ZNRF1: variants seen among roughly 807,000 people sequenced by gnomAD.
ZNRF1 encodes the protein E3 ubiquitin-protein ligase ZNRF1.
ZNRF1 carries 3 observed loss-of-function variants against 18.4 expected under a neutral mutation model. That is an observed-to-expected ratio of 0.16 (90% confidence interval 0.07 to 0.42). The LOEUF (loss-of-function observed/expected upper bound fraction) is 0.42. Among genes scored for constraint, ZNRF1 ranks in the 10% least tolerant of loss-of-function variants. The pLI is 0.99. For synonymous variants in ZNRF1, 157 were observed against 144.2 expected, an observed-to-expected ratio of 1.09 and a Z score of -0.64; for missense variants, 310 against 329.8, an observed-to-expected ratio of 0.94 and a Z score of 0.47.
intron 2 of ZNRF1, chr16:75,095,787 G>A (rs1341351729): frequency 2.0e-6 from 3 of 1,471,152 alleles, no homozygotes; most frequent in Non-Finnish European, 2.7e-6. Flanking sequence ...AGAACTGCCT[G>A]GGACGCCACC....
At position 75,095,292 on chromosome 16, in the gene ZNRF1, C is replaced by T. The variant is rs193068817; in HGVS notation, c.520+1625C>T. On this transcript the variant is annotated intron_variant, in intron 2 of 4. Coordinates refer to ENST00000335325, the MANE Select transcript of ZNRF1 (RefSeq NM_032268.5). ...AGCCCCTTTCCTCCCCAGGGGACAA[C>T]GCCTCCTTTCTCCTGGGCTGACTGC... is the stretch of plus-strand genomic sequence containing the variant. The T allele has an allele frequency of 3.8e-4, 76 of 197,666 alleles. No homozygotes were observed. The East Asian group carries it at 6.8e-3, about 18-fold the overall frequency. 12.2% of individuals were successfully genotyped at this position (197,666 alleles called of 1,614,324 possible). A position where few individuals can be genotyped will look rare whatever the true frequency, so the allele number is the denominator to read the frequency against.
intron 1 of ZNRF1, among the ~76,000 whole-genome samples, chr16:75,015,984 G>A (rs530035071): frequency 1.4e-5 from 2 of 146,962 alleles, no homozygotes; most frequent in Non-Finnish European, 3.0e-5. Context: ...GCAATGGCGC[G>A]ATCTCCTCTC....
At chr16:75,049,007 CTT>C (rs531574563) in intron 1 of ZNRF1, among the ~76,000 whole-genome samples, 6 of 143,690 alleles carry the variant, frequency 4.2e-5, no homozygotes, top group Admixed American at 7.0e-5. Context: ...TTTGGAATCC[CTT>C]TTTTTTTTTT....
At chr16:75,098,386 A>G (rs2036222744) in intron 2 of ZNRF1, among the ~76,000 whole-genome samples, 1 of 152,190 alleles carries the variant, frequency 6.6e-6, no homozygotes, top group Admixed American at 6.5e-5. Flanking sequence ...TGCCCCCACT[A>G]TCCTCATTGC....
In ZNRF1 at chr16:75,110,658, T is replaced by C. The variant is rs2036371711; in HGVS notation, c.*2958T>C. The stretch of plus-strand genomic sequence containing the variant: ...TTCAGTGAACAGTGTACTTGTTCTT[T>C]CAACTTTTCTGTATGTTTGGAATTT... On this transcript the variant is annotated 3_prime_UTR_variant, in exon 5 of 5. Transcript: ENST00000335325. 1 of 152,272 alleles carries C rather than the reference T, an allele frequency of 6.6e-6. No individual in the cohort carries two copies. Among genetic ancestry groups the C allele is most frequent in the Admixed American group, 6.5e-5 (1 of 15,290 alleles). 9.4% of individuals were successfully genotyped at this position (152,272 alleles called of 1,614,324 possible).
chr16:75,034,342 A>G (rs920280463), intron 1 of ZNRF1, among the ~76,000 whole-genome samples: 2 of 152,134 alleles, frequency 1.3e-5, no homozygotes, highest in Non-Finnish European at 2.9e-5. Flanking sequence ...TTTATTTTCT[A>G]TGAGCTTGAC....
chr16:75,035,726 C>G (rs140772782), intron 1 of ZNRF1, among the ~76,000 whole-genome samples: 2 of 152,190 alleles, frequency 1.3e-5, no homozygotes, highest in Non-Finnish European at 2.9e-5. Flanking sequence ...CGATTCTTCT[C>G]TTGGGGTTGG....
chr16:75,035,912 C>G (rs2035370739), intron 1 of ZNRF1, among the ~76,000 whole-genome samples: 1 of 152,148 alleles, frequency 6.6e-6, no homozygotes. Context: ...TGCCTGAGCC[C>G]ACTCACCCAA....
At chr16:75,024,007 A>T (rs2035189433) in intron 1 of ZNRF1, among the ~76,000 whole-genome samples, 2 of 151,580 alleles carry the variant, frequency 1.3e-5, no homozygotes. Flanking sequence ...AGTAGCTAGG[A>T]CTACAGGTGC....
At chr16:75,054,648 G>A (rs1238041265) in intron 1 of ZNRF1, among the ~76,000 whole-genome samples, 1 of 152,242 alleles carries the variant, frequency 6.6e-6, no homozygotes, top group African/African-American at 2.4e-5. Context: ...TAATAATTTA[G>A]CAATCAGGTA....
At chr16:75,045,462 T>A (rs1425888509) in intron 1 of ZNRF1, among the ~76,000 whole-genome samples, 1 of 152,182 alleles carries the variant, frequency 6.6e-6, no homozygotes, top group Non-Finnish European at 1.5e-5. Context: ...CCAGTGCAAA[T>A]TGTGCTGGGT....
intron 3 of ZNRF1, 175 bp from the exon 4 acceptor site, chr16:75,106,307 C>T (rs1284909065): frequency 1.1e-5 from 7 of 638,774 alleles, no homozygotes; most frequent in Non-Finnish European, 1.9e-5. Flanking sequence ...TGGTGTTCAC[C>T]CTTCTTCGTG....
At chr16:75,062,029 G>A (rs1047204109) in intron 1 of ZNRF1, among the ~76,000 whole-genome samples, 2 of 152,130 alleles carry the variant, frequency 1.3e-5, no homozygotes, top group Non-Finnish European at 2.9e-5. Context: ...TTACACTTTT[G>A]ACTTGACACA....
At chr16:75,000,675 T>C (rs2034836298) in intron 1 of ZNRF1, among the ~76,000 whole-genome samples, 1 of 152,308 alleles carries the variant, frequency 6.6e-6, no homozygotes, top group Non-Finnish European at 1.5e-5. Context: ...GTGTGGCTGC[T>C]GTACGGAGGG....
chr16:75,103,683 G>T (rs992858181), intron 2 of ZNRF1, among the ~76,000 whole-genome samples: 1 of 152,136 alleles, frequency 6.6e-6, no homozygotes, highest in African/African-American at 2.4e-5. Context: ...ATAAAATAAA[G>T]TTTTTAAAAG....
intron 1 of ZNRF1, among the ~76,000 whole-genome samples, chr16:75,036,254 G>A (rs549770075): frequency 2.6e-4 from 40 of 152,076 alleles, no homozygotes; most frequent in African/African-American, 5.5e-4. Flanking sequence ...TTTATTTTTC[G>A]TAGAGATGAG....
chr16:75,031,577 A>G (rs1159062717), intron 1 of ZNRF1, among the ~76,000 whole-genome samples: 1 of 152,044 alleles, frequency 6.6e-6, no homozygotes, highest in African/African-American at 2.4e-5. Flanking sequence ...GTGTGATCTC[A>G]GCTCACTGCA....
intron 1 of ZNRF1, among the ~76,000 whole-genome samples, chr16:75,082,641 C>T (rs2036026689): frequency 6.6e-6 from 1 of 152,064 alleles, no homozygotes; most frequent in Non-Finnish European, 1.5e-5. Flanking sequence ...GCTGCCTCAA[C>T]TTACTGGGCT....
intron 1 of ZNRF1, among the ~76,000 whole-genome samples, chr16:75,030,599 T>G (rs1347718122): frequency 6.6e-6 from 1 of 152,090 alleles, no homozygotes; most frequent in East Asian, 1.9e-4. Context: ...TTTAGAACCT[T>G]TTTTAATTAG....
Sources: gnomAD v4.1 joint callset for allele counts (sites outside exome capture counted in the v4.1 genomes callset) on GRCh38, gnomAD v4.1.1 for gene constraint, MANE v1.5 for transcripts, NCBI Gene and HGNC (gene_info 2026-07-23, HGNC 2026-07-21) for gene names.